The following CDH13 variants were observed in gnomAD, a reference collection of about 807,000 sequenced individuals.
CDH13 encodes the protein cadherin 13, also known as cadherin-13.
Under a neutral mutation model 63.8 loss-of-function variants are expected in CDH13, and 24 were observed. That is an observed-to-expected ratio of 0.38 (90% CI 0.27 to 0.53). The LOEUF (loss-of-function observed/expected upper bound fraction) is 0.53. CDH13 is among the 20% of genes least tolerant of loss of function. The pLI is 0.85. For synonymous variants in CDH13, 503 were observed against 355.3 expected (o/e 1.42, Z -4.67); for missense variants, 1,049 against 903.1 (o/e 1.16, Z -2.07).
At chr16:83,700,318 CG>C (rs2150906927) in intron 10 of CDH13, among the ~76,000 whole-genome samples, 1 of 152,282 alleles carries the variant, frequency 6.6e-6, no homozygotes, top group Admixed American at 6.5e-5. Context: ...GTCCCCACCT[CG>C]AAAGAACTTC....
At chr16:82,831,626 A>T (rs2038545706) in intron 1 of CDH13, among the ~76,000 whole-genome samples, 1 of 152,212 alleles carries the variant, frequency 6.6e-6, no homozygotes, top group Non-Finnish European at 1.5e-5. Context: ...TCAATATCCA[A>T]AAAATAACAA....
chr16:82,999,543 A>T (rs969949383), intron 2 of CDH13, among the ~76,000 whole-genome samples: 5 of 152,034 alleles, frequency 3.3e-5, no homozygotes, highest in African/African-American at 1.2e-4. Context: ...AAAAAAATCA[A>T]TCAGAGGTGA....
At chr16:82,806,328 G>A (rs1192516430) in intron 1 of CDH13, among the ~76,000 whole-genome samples, 6 of 152,090 alleles carry the variant, frequency 3.9e-5, no homozygotes, top group African/African-American at 7.2e-5. Context: ...ATAATAGGTC[G>A]AGTAACCTGG....
At chr16:83,731,081 T>A (rs140691528) in intron 10 of CDH13, among the ~76,000 whole-genome samples, 5 of 152,372 alleles carry the variant, frequency 3.3e-5, no homozygotes, top group African/African-American at 1.2e-4. Flanking sequence ...GCACCTGGAT[T>A]GGTTCCTTGT....
intron 7 of CDH13, among the ~76,000 whole-genome samples, chr16:83,529,809 A>C (rs998777359): frequency 6.6e-6 from 1 of 152,246 alleles, no homozygotes; most frequent in African/African-American, 2.4e-5. Flanking sequence ...AAATGTCAAC[A>C]TATTGAACAT....
At chr16:83,236,627 C>T (rs1011152386) in intron 5 of CDH13, among the ~76,000 whole-genome samples, 2 of 152,104 alleles carry the variant, frequency 1.3e-5, no homozygotes, top group Non-Finnish European at 2.9e-5. Flanking sequence ...TTAACTATCT[C>T]TGTTAACATA....
chr16:83,009,125 A>G (rs913022687), intron 2 of CDH13, among the ~76,000 whole-genome samples: 1 of 152,220 alleles, frequency 6.6e-6, no homozygotes, highest in Non-Finnish European at 1.5e-5. Flanking sequence ...TCAAGATGAA[A>G]TATGGGTGAA....
intron 1 of CDH13, chr16:82,823,795 T>C (rs1273131753): frequency 6.6e-6 from 1 of 152,174 alleles, no homozygotes; most frequent in Non-Finnish European, 1.5e-5. Context: ...GATGCAGATA[T>C]AAGACCAGCG....
At chr16:83,145,456 G>A (rs1014563715) in intron 4 of CDH13, among the ~76,000 whole-genome samples, 7 of 152,204 alleles carry the variant, frequency 4.6e-5, no homozygotes, top group African/African-American at 1.7e-4. Context: ...GGCATGTCAT[G>A]AGGACTGTTG....
intron 2 of CDH13, among the ~76,000 whole-genome samples, chr16:82,893,252 C>T (rs1252719116): frequency 6.6e-6 from 1 of 152,190 alleles, no homozygotes; most frequent in African/African-American, 2.4e-5. Context: ...AATACATACA[C>T]ATATGTGTTG....
chr16:83,034,590 A>G (rs990231262), intron 3 of CDH13, among the ~76,000 whole-genome samples: 4 of 152,252 alleles, frequency 2.6e-5, no homozygotes, highest in African/African-American at 9.6e-5. Context: ...AATGTTCCAT[A>G]GAAACATGGA....
chr16:83,564,249 A>C (rs2075754319), intron 7 of CDH13, among the ~76,000 whole-genome samples: 1 of 152,142 alleles, frequency 6.6e-6, no homozygotes, highest in Non-Finnish European at 1.5e-5. Flanking sequence ...AAGTAGCTCA[A>C]AATCTAGCAA....
intron 5 of CDH13, among the ~76,000 whole-genome samples, chr16:83,343,705 G>A (rs1248858513): frequency 6.6e-6 from 1 of 152,162 alleles, no homozygotes; most frequent in Non-Finnish European, 1.5e-5. Flanking sequence ...ATATTCTTGA[G>A]ACATATTATA....
chr16:83,416,839 G>T (rs1477172141), intron 6 of CDH13, among the ~76,000 whole-genome samples: 3 of 152,100 alleles, frequency 2.0e-5, no homozygotes, highest in African/African-American at 7.2e-5. Context: ...TGTGCCTAAG[G>T]ATTCTCATCA....
chr16:82,796,645 T>C (rs1470119364), intron 1 of CDH13, among the ~76,000 whole-genome samples: 4 of 152,252 alleles, frequency 2.6e-5, no homozygotes, highest in African/African-American at 7.2e-5. Context: ...AAGGGTGATA[T>C]TCCATATGTG....
At chr16:83,106,906 T>TA (rs922181703) in intron 3 of CDH13, among the ~76,000 whole-genome samples, 16 of 152,132 alleles carry the variant, frequency 1.1e-4, no homozygotes, top group Middle Eastern at 6.8e-3. Context: ...ATTTTTTTTT[T>TA]AAAAAAGTAT....
Position 83,125,429 on chromosome 16 carries a change from G to C in CDH13, c.411G>C (p.Lys137Asn). The C allele has an allele frequency of 2.5e-6, 4 of 1,611,734 alleles. No homozygotes were observed. The highest frequency in any genetic ancestry group is 3.4e-6 in the Non-Finnish European group (4 of 1,177,892). Residue 137 changes from lysine (K) to asparagine (N), a missense_variant, in exon 4 of 14, where the codon AAG (lysine) becomes AAC (asparagine). Coordinates refer to ENST00000567109, the MANE Select transcript of CDH13 (RefSeq NM_001257.5). ...FARTSPVPRQ[K>N]RSIVVSPILI... ...GAACTTCTCCTGTCCCAAGACAAAAGAGGTCCATTGTGGTATCTCCCATTT... is the reference window on the plus strand; with the variant it reads ...GAACTTCTCCTGTCCCAAGACAAAACAGGTCCATTGTGGTATCTCCCATTT...
At chr16:83,745,090 G>A (rs1912448606) in intron 10 of CDH13, among the ~76,000 whole-genome samples, 1 of 152,190 alleles carries the variant, frequency 6.6e-6, no homozygotes, top group Non-Finnish European at 1.5e-5. Context: ...CTGGTGTGAG[G>A]GCTGAAGGCA....
chr16:82,872,189 A>C (rs1376172937), intron 2 of CDH13, among the ~76,000 whole-genome samples: 1 of 152,198 alleles, frequency 6.6e-6, no homozygotes, highest in Non-Finnish European at 1.5e-5. Flanking sequence ...AATTTTTAGA[A>C]CCCAGCATAC....
Sources: allele counts gnomAD v4.1 joint callset (sites outside exome capture counted in the v4.1 genomes callset), GRCh38; gene constraint gnomAD v4.1.1; transcripts MANE v1.5; gene names NCBI Gene and HGNC (gene_info 2026-07-23, HGNC 2026-07-21).